Variants in LRRC74B observed in about 807,000 individuals in gnomAD.
LRRC74B encodes the protein leucine-rich repeat-containing protein 74B.
A neutral mutation model predicts 16.6 loss-of-function variants in LRRC74B; 30 were observed. That is an observed-to-expected ratio of 1.80 (90% CI 1.35 to 2.45). LRRC74B has a LOEUF of 2.45. Ranked by LOEUF, LRRC74B falls within the 30% of genes most tolerant of loss-of-function variation. LRRC74B has a pLI of 0.00. For synonymous variants in LRRC74B, 134 were observed against 86.0 expected, an observed-to-expected ratio of 1.56 and a Z score of -3.09; for missense variants, 326 against 202.4, an observed-to-expected ratio of 1.61 and a Z score of -3.71.
intron 7 of LRRC74B, chr22:21,056,714 T>A: frequency 4.6e-6 from 1 of 219,262 alleles, no homozygotes; most frequent in Non-Finnish European, 9.0e-6. Flanking sequence ...CCACCTCACC[T>A]GGGAAGCTCC....
chr22:21,055,833 C>T (rs935369772), intron 7 of LRRC74B, among the ~76,000 whole-genome samples: 7 of 152,198 alleles, frequency 4.6e-5, no homozygotes. Flanking sequence ...CATAGACCTG[C>T]GTTTCGAGTC....
chr22:21,046,108 C>A, exon 1 of LRRC74B: 1 of 717,182 alleles, frequency 1.4e-6, no homozygotes, highest in Admixed American at 2.0e-5. Context: ...AATTGGGACT[C>A]CGACCTGGAG....
downstream of LRRC74B, chr22:21,062,587 G>C (rs380414): frequency 0.97 from 147,006 of 151,744 alleles, 71,217 homozygotes; most frequent in East Asian, 0.99. Flanking sequence ...GTGGTGGGCG[G>C]CTATAATCCC....
intron 3 of LRRC74B, chr22:21,048,737 C>T: frequency 6.9e-6 from 4 of 579,974 alleles, no homozygotes; most frequent in Non-Finnish European, 3.1e-6. Context: ...GCGGTTTTAA[C>T]CACTTGACAC....
At chr22:21,055,943 G>C (rs922073170) in intron 7 of LRRC74B, among the ~76,000 whole-genome samples, 1 of 152,102 alleles carries the variant, frequency 6.6e-6, no homozygotes, top group South Asian at 2.1e-4. Context: ...CTGGTGGGGG[G>C]CTCCTTCTTC....
intron 4 of LRRC74B, among the ~76,000 whole-genome samples, chr22:21,051,247 C>T (rs940596705): frequency 4.6e-5 from 7 of 152,188 alleles, no homozygotes; most frequent in Non-Finnish European, 1.0e-4. Context: ...GTTTCTGGCT[C>T]TTCTGCAGGC....
At chr22:21,046,146 G>T in intron 1 of LRRC74B, 21 bp downstream of exon 1, 1 of 715,664 alleles carries the variant, frequency 1.4e-6, no homozygotes, top group Non-Finnish European at 2.6e-6. Flanking sequence ...GAGGGGGCAG[G>T]CCCGACTCCT....
rs1456485051 is a variant in LRRC74B at position 21,052,305 on chromosome 22, A to G, written c.679A>G (p.Ser227Gly). The change falls in exon 5 of 9, where the codon AGC becomes GGC. Residue 227 changes from serine (S) to glycine (G), a missense_variant. Transcript: ENST00000442047. ...CACAGGACTCACCGAGCTTAACGTGAGCTGGAATCACCTCCGGGGCCCAGG... is the reference window on the plus strand; with the variant it reads ...CACAGGACTCACCGAGCTTAACGTGGGCTGGAATCACCTCCGGGGCCCAGG... The G allele has an allele frequency of 5.6e-6, 4 of 717,468 alleles. No individual in the cohort carries two copies. In the East Asian group the frequency reaches 1.1e-4, roughly 19 times the overall value. The allele number at this position is 717,468 out of a possible 1,614,324, so 44.4% of individuals were successfully genotyped here.
At chr22:21,053,759 G>A in intron 6 of LRRC74B, 1 of 251,036 alleles carries the variant, frequency 4.0e-6, no homozygotes, top group South Asian at 1.1e-4. Flanking sequence ...AAGTAGCTGG[G>A]ACTACAGGAG....
chr22:21,056,596 G>GTA (rs1555952676), intron 7 of LRRC74B: 1,606 of 140,296 alleles, frequency 0.011, 28 homozygotes, highest in East Asian at 0.066. Context: ...CAAGCTTGGA[G>GTA]CACACACACA....
At chr22:21,046,222 C>T (rs1267049290) in intron 1 of LRRC74B, 97 bp downstream of exon 1, 3 of 649,848 alleles carry the variant, frequency 4.6e-6, no homozygotes, top group Non-Finnish European at 8.4e-6. Flanking sequence ...CAGCAGGGAA[C>T]GTACCCGCCT....
chr22:21,062,530 T>C (rs12484025), downstream of LRRC74B: 23,258 of 151,410 alleles, frequency 0.15, 2,122 homozygotes, highest in East Asian at 0.35. Flanking sequence ...CTGGCTAACA[T>C]GGTGAAACCC....
chr22:21,061,492 T>C (rs992657173), downstream of LRRC74B, among the ~76,000 whole-genome samples: 2 of 151,986 alleles, frequency 1.3e-5, no homozygotes, highest in African/African-American at 4.8e-5. Context: ...AGTGAGAAAA[T>C]TGGGAAGAAA....
intron 2 of LRRC74B, 35 bp downstream of exon 2, chr22:21,047,533 G>T: frequency 4.2e-6 from 3 of 715,150 alleles, no homozygotes; most frequent in Middle Eastern, 2.3e-4. Flanking sequence ...CAGGCTTACG[G>T]GGAGAGGCCT....
downstream of LRRC74B, among the ~76,000 whole-genome samples, chr22:21,061,453 A>G (rs5762153): frequency 0.16 from 24,669 of 152,232 alleles, 2,165 homozygotes; most frequent in South Asian, 0.3. Context: ...ACACTTAACC[A>G]TTCATGAAAA....
intron 1 of LRRC74B, 32 bp downstream of exon 1, chr22:21,046,157 C>A: frequency 1.4e-6 from 1 of 714,872 alleles, no homozygotes; most frequent in Non-Finnish European, 2.6e-6. Flanking sequence ...CCCGACTCCT[C>A]CCCTTTGGGG....
rs145461186 is a variant in LRRC74B at position 21,052,634 on chromosome 22, G to A, written c.732+276G>A. On this transcript the variant is annotated intron_variant, in intron 5 of 8. Coordinates refer to ENST00000442047, the Ensembl canonical transcript of LRRC74B. ...CACCCAGCTGGGAAGGGACATCTGT[G>A]CAGTCTGGTGACACATGCTCACTGT... Among the ~76,000 whole-genome samples the A allele has an allele frequency of 7.2e-3, 1,058 of 146,974 alleles. 6 individuals are homozygous for A. Among genetic ancestry groups the A allele is most frequent in the Non-Finnish European group, 0.012 (818 of 66,056 alleles).
At chr22:21,061,226 C>T (rs549708675), downstream of LRRC74B, among the ~76,000 whole-genome samples, 100 of 152,122 alleles carry the variant, frequency 6.6e-4, no homozygotes, top group African/African-American at 2.1e-3. Flanking sequence ...ACTCAGGAGG[C>T]TGAGGCAGGA....
chr22:21,049,088 G>T lies in LRRC74B; in HGVS notation c.553G>T (p.Glu185Ter). 1 of 716,238 alleles carries T rather than the reference G, an allele frequency of 1.4e-6. No homozygotes were observed. Among genetic ancestry groups the T allele is most frequent in the Non-Finnish European group, 2.6e-6 (1 of 384,858 alleles). The allele number at this position is 716,238 out of a possible 1,614,324, so 44.4% of individuals were successfully genotyped here. ...GGAGCAGGCGGCCCAGCACCTTGCCGAACTCCTGCTGGCCCACACAGACCT... is the reference window on the plus strand; with the variant it reads ...GGAGCAGGCGGCCCAGCACCTTGCCTAACTCCTGCTGGCCCACACAGACCT... The change falls in exon 4 of 9, where the codon GAA becomes TAA. Residue 185 changes from glutamate (E) to a stop codon, truncating the protein, a stop_gained. Coordinates refer to ENST00000442047, the Ensembl canonical transcript of LRRC74B. LOFTEE classifies it high-confidence loss of function.
Sources: gnomAD v4.1 joint callset for allele counts (sites outside exome capture counted in the v4.1 genomes callset) on GRCh38, gnomAD v4.1.1 for gene constraint, MANE v1.5 for transcripts, NCBI Gene and HGNC (gene_info 2026-07-23, HGNC 2026-07-21) for gene names.